Variants in FBXL20 observed in about 807,000 individuals in gnomAD.
The protein encoded by FBXL20 is F-box/LRR-repeat protein 20.
A neutral mutation model predicts 64.0 loss-of-function variants in FBXL20; 11 were observed. The observed-to-expected ratio is 0.17, with a 90% confidence interval of 0.11 to 0.28. The LOEUF is 0.28. Ranked by LOEUF, FBXL20 falls within the 10% of genes least tolerant of loss-of-function variation. FBXL20 has a pLI of 1.00. For missense variants in FBXL20, 303 were observed against 526.2 expected (o/e 0.58, Z 4.15); for synonymous variants, 184 against 189.0 (o/e 0.97, Z 0.22).
chr17:39,373,987 C>G (rs1238179362), intron 1 of FBXL20, among the ~76,000 whole-genome samples: 4 of 151,916 alleles, frequency 2.6e-5, no homozygotes, highest in African/African-American at 9.7e-5. Context: ...TTTGGGAGGC[C>G]GAGGAAGGTG....
chr17:39,303,652 G>C lies in FBXL20; in HGVS notation c.105-13C>G. ...AAAAGAAAATATCCTAAAAAGAAAA[G>C]AGAGAAAGACAAATTTTATTGTATG... On this transcript the variant is annotated splice_polypyrimidine_tract_variant and intron_variant, in intron 2 of 14. Coordinates refer to ENST00000264658, the MANE Select transcript of FBXL20 (RefSeq NM_032875.3). The C allele has an allele frequency of 6.2e-7, 1 of 1,602,406 alleles. No homozygotes were observed. Among genetic ancestry groups the C allele is most frequent in the Non-Finnish European group, 8.5e-7 (1 of 1,173,932 alleles).
chr17:39,386,070 C>T (rs1374256529), intron 1 of FBXL20, among the ~76,000 whole-genome samples: 2 of 145,642 alleles, frequency 1.4e-5, no homozygotes, highest in African/African-American at 2.6e-5. Context: ...TCCTGCTGGG[C>T]GCGGTGGCTC....
At chr17:39,356,353 C>CA (rs1432537980) in intron 1 of FBXL20, among the ~76,000 whole-genome samples, 1 of 151,484 alleles carries the variant, frequency 6.6e-6, no homozygotes, top group African/African-American at 2.4e-5. Context: ...ACAATTGTTT[C>CA]ACCACCATCT....
chr17:39,300,662 T>C (rs966189788), intron 4 of FBXL20, among the ~76,000 whole-genome samples: 1 of 152,188 alleles, frequency 6.6e-6, no homozygotes, highest in Non-Finnish European at 1.5e-5. Context: ...TATAACTCTA[T>C]TTATTCCTCA....
At chr17:39,264,093 C>T in intron 14 of FBXL20, 82 bp downstream of exon 14, 1 of 1,422,654 alleles carries the variant, frequency 7.0e-7, no homozygotes, top group Non-Finnish European at 9.7e-7. Context: ...ATCATAGGAA[C>T]CTAAATTTGA....
intron 2 of FBXL20, among the ~76,000 whole-genome samples, chr17:39,334,082 T>C (rs1004060601): frequency 3.3e-5 from 5 of 152,182 alleles, no homozygotes; most frequent in African/African-American, 1.2e-4. Flanking sequence ...TGTGTCTGTG[T>C]AGAAAGAAGT....
At chr17:39,292,791 ATT>A (rs566595490) in intron 6 of FBXL20, among the ~76,000 whole-genome samples, 9 of 131,180 alleles carry the variant, frequency 6.9e-5, no homozygotes, top group Middle Eastern at 4.5e-3. Context: ...ATGTCTTATA[ATT>A]TTTTTTTTTT....
chr17:39,392,158 A>G (rs887070102), intron 1 of FBXL20, among the ~76,000 whole-genome samples: 4 of 149,976 alleles, frequency 2.7e-5, no homozygotes, highest in Non-Finnish European at 5.9e-5. Context: ...GAAAGAAAAC[A>G]GCCAGGCGCA....
intron 3 of FBXL20, among the ~76,000 whole-genome samples, chr17:39,301,727 G>A (rs575826616): frequency 2.7e-5 from 4 of 149,068 alleles, no homozygotes; most frequent in Admixed American, 2.7e-4. Context: ...AACTTCATCT[G>A]GGGGGGAAAA....
intron 2 of FBXL20, among the ~76,000 whole-genome samples, chr17:39,312,568 CTTTTTT>C (rs750605079): frequency 3.3e-5 from 3 of 91,710 alleles, no homozygotes; most frequent in African/African-American, 1.1e-4. Context: ...TAAATTCTAT[CTTTTTT>C]TTTTTTTTTT....
intron 1 of FBXL20, among the ~76,000 whole-genome samples, chr17:39,359,374 C>A (rs2047772665): frequency 6.6e-6 from 1 of 152,094 alleles, no homozygotes; most frequent in Non-Finnish European, 1.5e-5. Flanking sequence ...CCTGCAATCC[C>A]AGCACTTTGG....
At chr17:39,368,308 C>T (rs7215983) in intron 1 of FBXL20, among the ~76,000 whole-genome samples, 28,339 of 152,042 alleles carry the variant, frequency 0.19, 2,872 homozygotes, top group Admixed American at 0.24. Context: ...AGGAGGATCA[C>T]TTGAGCCCAG....
chr17:39,273,292 A>C (rs952913512), intron 10 of FBXL20, among the ~76,000 whole-genome samples: 6 of 152,160 alleles, frequency 3.9e-5, no homozygotes, highest in Non-Finnish European at 7.3e-5. Context: ...TTGGGATTAC[A>C]GGTGTGAGCC....
intron 1 of FBXL20, among the ~76,000 whole-genome samples, chr17:39,362,472 T>G (rs1489482975): frequency 6.7e-6 from 1 of 149,650 alleles, no homozygotes; most frequent in Non-Finnish European, 1.5e-5. Context: ...TACAGGCATG[T>G]GCCACCACAC....
chr17:39,262,849 A>G (rs2046759307), intron 14 of FBXL20, among the ~76,000 whole-genome samples: 1 of 151,728 alleles, frequency 6.6e-6, no homozygotes, highest in Non-Finnish European at 1.5e-5. Context: ...ATACAAAAAG[A>G]AAATTAGCCG....
chr17:39,401,161 G>A (rs1434477283), intron 1 of FBXL20, among the ~76,000 whole-genome samples, 200 bp downstream of exon 1: 1 of 152,198 alleles, frequency 6.6e-6, no homozygotes, highest in Non-Finnish European at 1.5e-5. Context: ...AAGAGACGGG[G>A]GGCGAACCGG....
rs761771926 is a variant in FBXL20, at chr17:39,322,163, CAAAAAAA to C, written c.105-18531_105-18525del. ...AAACATAGTGAGACACTATCTCTAC[CAAAAAAA>C]AAAAAAAAAAAAAAAAAAAGCCATG... On this transcript the variant is annotated intron_variant, in intron 2 of 14. Coordinates refer to ENST00000264658, the MANE Select transcript of FBXL20 (RefSeq NM_032875.3). Among the ~76,000 whole-genome samples, 420 of 52,552 alleles carry C rather than the reference CAAAAAAA, an allele frequency of 8.0e-3. 1 individual carries two copies. Among genetic ancestry groups the C allele is most frequent in the African/African-American group, 0.022 (387 of 17,848 alleles). 34.5% of individuals were successfully genotyped at this position (52,552 alleles called of 152,430 possible).
At chr17:39,348,588 A>C (rs2047657145) in intron 1 of FBXL20, among the ~76,000 whole-genome samples, 1 of 152,102 alleles carries the variant, frequency 6.6e-6, no homozygotes, top group Non-Finnish European at 1.5e-5. Context: ...CACTGTGCCC[A>C]GTCAGGTTCT....
In FBXL20 at chr17:39,260,420, A is replaced by G. The variant is rs1245885844; in HGVS notation, c.*1040T>C. ...GAGTCTGACAGAAGGAAGAATATGT[A>G]GGGGGAATATTGGGGATACCATGCG... On this transcript the variant is annotated 3_prime_UTR_variant, in exon 15 of 15. Transcript: ENST00000264658. The G allele has an allele frequency of 6.6e-6, 1 of 152,130 alleles. No individual in the cohort carries two copies. The highest frequency in any genetic ancestry group is 1.9e-4 in the East Asian group (1 of 5,208). 9.4% of individuals were successfully genotyped at this position (152,130 alleles called of 1,614,324 possible).
Sources: allele counts gnomAD v4.1 joint callset (sites outside exome capture counted in the v4.1 genomes callset), GRCh38; gene constraint gnomAD v4.1.1; transcripts MANE v1.5; gene names NCBI Gene and HGNC (gene_info 2026-07-23, HGNC 2026-07-21).